Variants in NCAM1 observed in about 807,000 individuals in gnomAD.
NCAM1 encodes the protein antigen recognized by monoclonal antibody 5.1H11.
A neutral mutation model predicts 109.8 loss-of-function variants in NCAM1; 14 were observed. That is an observed-to-expected ratio of 0.13 (90% CI 0.08 to 0.20). The LOEUF is 0.20. Ranked by LOEUF, NCAM1 falls within the 10% of genes least tolerant of loss-of-function variation. The pLI is 1.00. For synonymous variants in NCAM1, 418 were observed against 442.9 expected (o/e 0.94, Z 0.70); for missense variants, 774 against 1,109.9 (o/e 0.70, Z 4.30).
At chr11:113,032,559 G>T (rs1952754285) in intron 1 of NCAM1, among the ~76,000 whole-genome samples, 1 of 152,200 alleles carries the variant, frequency 6.6e-6, no homozygotes, top group African/African-American at 2.4e-5. Flanking sequence ...CTGCAAGGGA[G>T]CCTGCAGAAT....
In NCAM1 at chr11:113,221,399, T is replaced by C. The variant is rs149327783; in HGVS notation, c.1089+74T>C. On this transcript the variant is annotated intron_variant, in intron 9 of 19. Coordinates refer to ENST00000316851, the MANE Select transcript of NCAM1 (RefSeq NM_181351.5). Reference sequence around the variant, plus strand: ...AGTTTAACTCACCATTGCAGTTTAATAACCAGACATGCTAAACTAATTAGT... The same window carrying C: ...AGTTTAACTCACCATTGCAGTTTAACAACCAGACATGCTAAACTAATTAGT... 129 of 1,446,024 alleles carry C rather than the reference T, an allele frequency of 8.9e-5. No homozygotes were observed. The African/African-American group carries it at 1.6e-3, about 18-fold the overall frequency. The allele number at this position is 1,446,024 out of a possible 1,614,324, so 89.6% of individuals were successfully genotyped here. A position where few individuals can be genotyped will look rare whatever the true frequency, so the allele number is the denominator to read the frequency against.
At chr11:113,066,474 T>C (rs895728195) in intron 1 of NCAM1, among the ~76,000 whole-genome samples, 4 of 152,176 alleles carry the variant, frequency 2.6e-5, no homozygotes, top group Admixed American at 6.5e-5. Context: ...CCAAGTGTTT[T>C]CCTAGGATCA....
chr11:113,253,165 A>C (rs1490756649), intron 15 of NCAM1, among the ~76,000 whole-genome samples: 1 of 152,128 alleles, frequency 6.6e-6, no homozygotes, highest in Non-Finnish European at 1.5e-5. Context: ...TACTTTCATC[A>C]GGGAAGTTGG....
chr11:113,205,708 A>C, intron 4 of NCAM1, 42 bp downstream of exon 4: 1 of 1,595,304 alleles, frequency 6.3e-7, no homozygotes, highest in Non-Finnish European at 8.5e-7. Flanking sequence ...TCCCCAGGCC[A>C]CCAAGTTCCC....
intron 1 of NCAM1, among the ~76,000 whole-genome samples, chr11:113,066,872 C>T (rs1488533307): frequency 2.6e-5 from 4 of 151,836 alleles, no homozygotes; most frequent in South Asian, 2.1e-4. Flanking sequence ...GGCATGGTGG[C>T]GGGCGCCTGT....
intron 6 of NCAM1, 118 bp from the exon 7 acceptor site, chr11:113,207,715 G>C (rs1944277808): frequency 8.8e-7 from 1 of 1,131,666 alleles, no homozygotes; most frequent in South Asian, 1.5e-5. Context: ...TTAACTTTTT[G>C]TGAAGACTGA....
At chr11:113,048,063 G>T (rs889115301) in intron 1 of NCAM1, among the ~76,000 whole-genome samples, 3 of 152,108 alleles carry the variant, frequency 2.0e-5, no homozygotes, top group South Asian at 4.2e-4. Context: ...TGGGCTTCAG[G>T]TTCCATGTCT....
chr11:112,978,344 C>T lies in NCAM1; in HGVS notation c.52+16680C>T, dbSNP rs1044865621. Among the ~76,000 whole-genome samples, 26 of 151,796 alleles carry T rather than the reference C, an allele frequency of 1.7e-4. No individual in the cohort carries two copies. The Middle Eastern group carries it at 0.017, about 99-fold the overall frequency. ...TATTGTTTTTAGAAAATACGTGATTCGGTTAATGCCTGGAAGATATTTGTC... is the reference window on the plus strand; with the variant it reads ...TATTGTTTTTAGAAAATACGTGATTTGGTTAATGCCTGGAAGATATTTGTC... On this transcript the variant is annotated intron_variant, in intron 1 of 19. Transcript: ENST00000316851.
rs373103231 is a variant in NCAM1 at position 112,964,571 on chromosome 11, G to C, written c.52+2907G>C. Reference sequence around the variant, plus strand: ...CAAAAGCTAACATTGAAATCAAGTAGTATATATAATATCTCTCACTAAGCA... The same window carrying C: ...CAAAAGCTAACATTGAAATCAAGTACTATATATAATATCTCTCACTAAGCA... On this transcript the variant is annotated intron_variant, in intron 1 of 19. Coordinates refer to ENST00000316851, the MANE Select transcript of NCAM1 (RefSeq NM_181351.5). Among the ~76,000 whole-genome samples the C allele has an allele frequency of 1.4e-4, 22 of 152,298 alleles. No individual in the cohort carries two copies. The East Asian group carries it at 4.1e-3, about 28-fold the overall frequency.
chr11:113,113,767 T>TA lies in NCAM1; in HGVS notation c.53-88599dup, dbSNP rs71060287. ...CTCTTTAGTTTAAGACAGGTTCTTT[T>TA]AAAAAAAAAAAAATCTTGATGTGTC... On this transcript the variant is annotated intron_variant, in intron 1 of 19. Transcript: ENST00000316851. 3.6e-3 allele frequency among the ~76,000 whole-genome samples: 547 copies of TA among 150,540 alleles called. 2 individuals carry two copies. Among genetic ancestry groups the TA allele is most frequent in the Non-Finnish European group, 5.6e-3 (379 of 67,506 alleles).
At chr11:113,212,365 C>CT (rs1394634280) in intron 7 of NCAM1, among the ~76,000 whole-genome samples, 6 of 152,088 alleles carry the variant, frequency 3.9e-5, no homozygotes, top group Admixed American at 1.3e-4. Flanking sequence ...TATGGTTTGC[C>CT]TTTTTTCTAA....
chr11:113,111,516 G>A lies in NCAM1; in HGVS notation c.53-90863G>A, dbSNP rs182859327. Among the ~76,000 whole-genome samples the A allele has an allele frequency of 4.0e-3, 598 of 150,390 alleles. 7 individuals carry two copies. Among genetic ancestry groups the A allele is most frequent in the African/African-American group, 0.013 (545 of 41,150 alleles). ...GCAGCGTCAGGACCTGGGGTGGGAG[G>A]TCTGGACCACAGGAGGACACACAGG... On this transcript the variant is annotated intron_variant, in intron 1 of 19. Coordinates refer to ENST00000316851, the MANE Select transcript of NCAM1 (RefSeq NM_181351.5).
At chr11:113,240,517 G>T (rs976700207) in intron 14 of NCAM1, 13 of 487,468 alleles carry the variant, frequency 2.7e-5, no homozygotes, top group African/African-American at 3.9e-5. Flanking sequence ...TTCAGTCAAG[G>T]TTTGAGGCTT....
At chr11:113,173,626 A>G (rs1029936937) in intron 1 of NCAM1, among the ~76,000 whole-genome samples, 1 of 120,470 alleles carries the variant, frequency 8.3e-6, no homozygotes, top group Non-Finnish European at 1.7e-5. Context: ...ATATATATAT[A>G]TTTTAGAGGG....
Position 113,275,633 on chromosome 11 carries a change from C to A in NCAM1, c.*246C>A. 2.5e-6 allele frequency: 1 copy of A among 406,836 alleles called. No individual in the cohort carries two copies. The highest frequency in any genetic ancestry group is 4.2e-6 in the Non-Finnish European group (1 of 237,168). 25.2% of individuals were successfully genotyped at this position (406,836 alleles called of 1,614,324 possible). A position where few individuals can be genotyped will look rare whatever the true frequency, so the allele number is the denominator to read the frequency against. ...CACACTCACTTGTAAGAAAATGAGACAAAAAGGTTAAACCCACAGCCAAAC... is the reference window on the plus strand; with the variant it reads ...CACACTCACTTGTAAGAAAATGAGAAAAAAAGGTTAAACCCACAGCCAAAC... On this transcript the variant is annotated 3_prime_UTR_variant, in exon 20 of 20. Transcript: ENST00000316851.
At chr11:113,255,597 G>GAAA (rs34738476) in intron 15 of NCAM1, among the ~76,000 whole-genome samples, 241 of 92,768 alleles carry the variant, frequency 2.6e-3, no homozygotes, top group East Asian at 9.3e-3. Context: ...TGAGACAGGG[G>GAAA]AAAAAAAAAA....
intron 1 of NCAM1, among the ~76,000 whole-genome samples, chr11:113,064,530 A>G (rs1308936199): frequency 6.6e-6 from 1 of 152,082 alleles, no homozygotes. Context: ...TTTATTATTT[A>G]TTAAATGTTT....
intron 1 of NCAM1, among the ~76,000 whole-genome samples, chr11:112,989,257 G>A (rs1555070196): frequency 2.6e-5 from 4 of 151,956 alleles, no homozygotes; most frequent in African/African-American, 4.8e-5. Flanking sequence ...TGTATGCTTG[G>A]TGGTGTCCCA....
chr11:113,095,396 C>T (rs1455107204), intron 1 of NCAM1, among the ~76,000 whole-genome samples: 2 of 152,152 alleles, frequency 1.3e-5, no homozygotes, highest in Non-Finnish European at 2.9e-5. Context: ...GCTTTCAGCA[C>T]AGTGGTCGAT....
Sources: gnomAD v4.1 joint callset for allele counts (sites outside exome capture counted in the v4.1 genomes callset) on GRCh38, gnomAD v4.1.1 for gene constraint, MANE v1.5 for transcripts, NCBI Gene and HGNC (gene_info 2026-07-23, HGNC 2026-07-21) for gene names.